STPG2: variants seen among roughly 807,000 people sequenced by gnomAD.
The protein encoded by STPG2 is sperm tail PG-rich repeat containing 2.
STPG2 carries 56 observed loss-of-function variants against 54.2 expected under a neutral mutation model. The ratio of observed to expected loss-of-function variants is 1.03; its 90% CI spans 0.83 to 1.29. The LOEUF (loss-of-function observed/expected upper bound fraction) is 1.29, where lower values mean the gene tolerates loss of function less well. Ranked by LOEUF, STPG2 falls within the 50% of genes most tolerant of loss-of-function variation. The pLI, the probability that STPG2 is intolerant of heterozygous loss-of-function variation, is 0.00. For missense variants in STPG2, 596 were observed against 544.9 expected (o/e 1.09, Z -0.93); for synonymous variants, 200 against 181.8 (o/e 1.10, Z -0.81).
At chr4:98,114,049 ACTCCTCTCTC>A (rs1739437979) in intron 3 of STPG2, among the ~76,000 whole-genome samples, 1 of 151,190 alleles carries the variant, frequency 6.6e-6, no homozygotes, top group Admixed American at 6.6e-5. Flanking sequence ...AGTTGAAAAC[ACTCCTCTCTC>A]CTCTTCTTAT....
At chr4:97,621,048 G>A (rs1489696576) in intron 10 of STPG2, among the ~76,000 whole-genome samples, 1 of 152,010 alleles carries the variant, frequency 6.6e-6, no homozygotes, top group Non-Finnish European at 1.5e-5. Context: ...GGTGGGGAGA[G>A]TAATAAAATC....
chr4:97,541,117 C>T (rs1731691474), intron 4 of STPG2, among the ~76,000 whole-genome samples: 1 of 152,086 alleles, frequency 6.6e-6, no homozygotes, highest in South Asian at 2.1e-4. Context: ...AAGTTCCGGC[C>T]AGGGCAATCA....
chr4:97,849,812 C>T (rs1052855915), intron 8 of STPG2, among the ~76,000 whole-genome samples: 48 of 151,964 alleles, frequency 3.2e-4, no homozygotes, highest in Non-Finnish European at 5.7e-4. Context: ...AACACTTTTA[C>T]ACTGTTGGTG....
intron 10 of STPG2, among the ~76,000 whole-genome samples, chr4:97,641,845 T>C (rs958196637): frequency 1.3e-5 from 2 of 151,554 alleles, no homozygotes; most frequent in African/African-American, 4.8e-5. Context: ...CTACTAAATA[T>C]CTCTTCCCTT....
In STPG2 at chr4:97,870,272, G is replaced by A. The variant is rs1729939921; in HGVS notation, c.1045-29340C>T. ...TGCCTACACATTTTCACGAAAATGT[G>A]ATATAACAAAATATTATGACAGAAT... On this transcript the variant is annotated intron_variant, in intron 8 of 10. Transcript: ENST00000295268. Among the ~76,000 whole-genome samples the A allele has an allele frequency of 1.3e-5, 2 of 151,278 alleles. 1 individual carries two copies. Among genetic ancestry groups the A allele is most frequent in the South Asian group, 4.2e-4 (2 of 4,814 alleles).
intron 4 of STPG2, among the ~76,000 whole-genome samples, chr4:97,473,732 C>T (rs1046960620): frequency 2.0e-5 from 3 of 152,100 alleles, no homozygotes; most frequent in Non-Finnish European, 2.9e-5. Context: ...GCTGGTTTCA[C>T]GGCTCAGGGG....
chr4:98,066,018 A>G (rs1287717749), intron 5 of STPG2, among the ~76,000 whole-genome samples: 1 of 151,998 alleles, frequency 6.6e-6, no homozygotes, highest in Non-Finnish European at 1.5e-5. Context: ...TTAATGATAT[A>G]CCTATCAAGT....
chr4:97,899,745 G>C (rs1731103539), intron 8 of STPG2, among the ~76,000 whole-genome samples: 1 of 151,964 alleles, frequency 6.6e-6, no homozygotes, highest in South Asian at 2.1e-4. Flanking sequence ...TCAATAAATG[G>C]TGCCGGGATA....
chr4:97,712,163 C>A (rs1289116700), intron 10 of STPG2, among the ~76,000 whole-genome samples: 1 of 152,096 alleles, frequency 6.6e-6, no homozygotes, highest in African/African-American at 2.4e-5. Flanking sequence ...CATTCTAATT[C>A]TCTAAAGGGC....
intron 9 of STPG2, among the ~76,000 whole-genome samples, chr4:97,720,618 T>G (rs1009743196): frequency 6.6e-6 from 1 of 152,004 alleles, no homozygotes; most frequent in Non-Finnish European, 1.5e-5. Context: ...TAAATAAGCA[T>G]AGTTGATAAA....
chr4:97,699,431 C>T (rs1326577943), intron 10 of STPG2, among the ~76,000 whole-genome samples: 1 of 152,212 alleles, frequency 6.6e-6, no homozygotes, highest in Non-Finnish European at 1.5e-5. Context: ...CAATTTTTGA[C>T]CACTCAGAGA....
At chr4:98,114,364 G>A (rs1320714103) in intron 3 of STPG2, among the ~76,000 whole-genome samples, 1 of 151,980 alleles carries the variant, frequency 6.6e-6, no homozygotes. Flanking sequence ...AGTACAAAAT[G>A]TGAAACTACA....
At chr4:97,582,562 A>G (rs1042176540) in intron 10 of STPG2, among the ~76,000 whole-genome samples, 2 of 152,076 alleles carry the variant, frequency 1.3e-5, no homozygotes, top group East Asian at 3.8e-4. Context: ...ACCATCAATA[A>G]ATCTATTTCT....
intron 8 of STPG2, among the ~76,000 whole-genome samples, chr4:97,904,324 C>T (rs913780814): frequency 1.3e-5 from 2 of 152,132 alleles, no homozygotes; most frequent in South Asian, 2.1e-4. Context: ...TGGGAGGCAC[C>T]CCCCAGCAGG....
rs540687191 is a variant in STPG2 at position 97,694,625 on chromosome 4, G to A, written c.1320+18074C>T. On this transcript the variant is annotated intron_variant, in intron 10 of 10. Transcript: ENST00000295268. ...AGATCGATATCATCCTAGTTAACAC[G>A]GTGAAACCCCGTCTCTATTAAAAAA... Among the ~76,000 whole-genome samples, 40 of 151,222 alleles carry A rather than the reference G, an allele frequency of 2.6e-4. 1 individual carries two copies. The highest frequency in any genetic ancestry group is 2.1e-4 in the South Asian group (1 of 4,762).
chr4:97,925,665 A>G (rs1732307384), intron 8 of STPG2, among the ~76,000 whole-genome samples: 1 of 152,212 alleles, frequency 6.6e-6, no homozygotes, highest in Admixed American at 6.5e-5. Flanking sequence ...CAAAAGAAAG[A>G]AGTGAGAGTA....
intron 4 of STPG2, among the ~76,000 whole-genome samples, chr4:97,449,214 T>C (rs1729305201): frequency 6.6e-6 from 1 of 152,188 alleles, no homozygotes; most frequent in Admixed American, 6.5e-5. Context: ...AAGCAATATG[T>C]ACATTTTTGC....
At chr4:98,055,182 A>G (rs34164013) in intron 5 of STPG2, among the ~76,000 whole-genome samples, 59,847 of 151,838 alleles carry the variant, frequency 0.39, 12,024 homozygotes, top group Middle Eastern at 0.46. Context: ...TAATTTTGGG[A>G]CATAATGCAA....
At chr4:97,815,017 CAAAAGCACA>C (rs1384580621) in intron 9 of STPG2, among the ~76,000 whole-genome samples, 1 of 152,116 alleles carries the variant, frequency 6.6e-6, no homozygotes, top group South Asian at 2.1e-4. Flanking sequence ...AAGGTCAATG[CAAAAGCACA>C]ACCACCCAAT....
Sources: gnomAD v4.1 joint callset for allele counts (sites outside exome capture counted in the v4.1 genomes callset) on GRCh38, gnomAD v4.1.1 for gene constraint, MANE v1.5 for transcripts, NCBI Gene and HGNC (gene_info 2026-07-23, HGNC 2026-07-21) for gene names.